KCNH2: variants seen among roughly 807,000 people sequenced by gnomAD.
The protein encoded by KCNH2 is voltage-gated inwardly rectifying potassium channel KCNH2.
A neutral mutation model predicts 95.9 loss-of-function variants in KCNH2; 35 were observed. The observed-to-expected ratio is 0.37, with a 90% CI of 0.28 to 0.48. The LOEUF (loss-of-function observed/expected upper bound fraction) is 0.48. Ranked by LOEUF, KCNH2 falls within the 20% of genes least tolerant of loss-of-function variation. The probability of loss-of-function intolerance (pLI) is 0.99; values close to 1 mark genes in which losing one functional copy is unlikely to be tolerated. For synonymous variants in KCNH2, 786 were observed against 754.7 expected (o/e 1.04, Z -0.68); for missense variants, 1,274 against 1,702.9 (o/e 0.75, Z 4.43).
chr7:150,947,656 G>C lies in KCNH2; in HGVS notation c.2915C>G (p.Pro972Arg). 6.2e-7 allele frequency: 1 copy of C among 1,611,068 alleles called. No individual in the cohort carries two copies. Among genetic ancestry groups the C allele is most frequent in the Non-Finnish European group, 8.5e-7 (1 of 1,178,908 alleles). ...RPPGEPPGGEPLMEDCEKSSD... is the reference protein window; with the variant it reads ...RPPGEPPGGERLMEDCEKSSD... ...GCTCTTCTCGCAGTCCTCCATCAGG[G>C]GCTCCCCACCCGGCGGCTCTCCGGG... Residue 972 changes from proline (P) to arginine (R), a missense_variant, in exon 12 of 15, where the codon CCC becomes CGC. Pro to Arg is a moderately radical substitution (Grantham distance 103, BLOSUM62 -2). Around this residue, in one of 7 missense-constraint regions of KCNH2, gnomAD observed 457 missense variants for 416.1 expected, o/e 1.10. Coordinates refer to ENST00000262186, the MANE Select transcript of KCNH2 (RefSeq NM_000238.4).
chr7:150,976,406 AG>A (rs1801982494), intron 1 of KCNH2, among the ~76,000 whole-genome samples: 1 of 152,162 alleles, frequency 6.6e-6, no homozygotes, highest in South Asian at 2.1e-4. Flanking sequence ...TCCAGGAGTC[AG>A]GGTTTCCTGT....
Position 150,978,003 on chromosome 7 carries a change from G to T in KCNH2, c.-90C>A, listed in dbSNP as rs1359903011. The T allele has an allele frequency of 3.3e-6, 2 of 598,558 alleles. No individual in the cohort carries two copies. Among genetic ancestry groups the T allele is most frequent in the South Asian group, 5.9e-5 (1 of 16,906 alleles). The allele number at this position is 598,558 out of a possible 1,614,324, so 37.1% of individuals were successfully genotyped here. ...GCTTCGGGTGGCCCGGCCGGGCCGT[G>T]GTCCCCGCACCCCGCGGCCAAGCCG... On this transcript the variant is annotated 5_prime_UTR_variant, in exon 1 of 15. Transcript: ENST00000262186.
At chr7:150,959,503 G>T (rs746163180) in intron 3 of KCNH2, 69 bp downstream of exon 3, 23 of 1,571,018 alleles carry the variant, frequency 1.5e-5, no homozygotes, top group African/African-American at 2.7e-5. Flanking sequence ...CGTTGACCTT[G>T]GACAGCTCAC....
chr7:150,959,191 A>C (rs565758928), intron 3 of KCNH2, among the ~76,000 whole-genome samples: 1 of 152,312 alleles, frequency 6.6e-6, no homozygotes, highest in South Asian at 2.1e-4. Context: ...CATAGGACAC[A>C]GCTTCCTACT....
intron 2 of KCNH2, among the ~76,000 whole-genome samples, chr7:150,966,921 T>G (rs1441452992): frequency 1.3e-5 from 2 of 152,104 alleles, no homozygotes; most frequent in Non-Finnish European, 2.9e-5. Context: ...CCAAACTAAT[T>G]CCAATCAAGA....
intron 7 of KCNH2, 89 bp downstream of exon 7, chr7:150,951,359 A>C (rs1367493222): frequency 1.0e-5 from 16 of 1,543,034 alleles, no homozygotes; most frequent in Non-Finnish European, 1.4e-5. Context: ...CCAGGGCCTC[A>C]CTCTGGCCCG....
rs1443921019 is a variant in KCNH2 at position 150,962,242 on chromosome 7, G to A, written c.308-2506C>T. 6.6e-6 allele frequency among the ~76,000 whole-genome samples: 1 copy of A among 152,226 alleles called. No individual in the cohort carries two copies. The highest frequency in any genetic ancestry group is 1.5e-5 in the Non-Finnish European group (1 of 68,038). ...ATGCGCCTCACCAGGACTGAGGAGA[G>A]GCTGGAGACCAGGAAGCCTTAGCCC... On this transcript the variant is annotated intron_variant, in intron 2 of 14. Transcript: ENST00000262186. The surrounding 1 kb of genome is among the most constrained non-coding windows in gnomAD (Gnocchi z 5.7).
rs58129336 is a variant in KCNH2 at position 150,961,294 on chromosome 7, CTTTTTTTT to C, written c.308-1566_308-1559del. On this transcript the variant is annotated intron_variant, in intron 2 of 14. Transcript: ENST00000262186. The surrounding 1 kb of genome is among the most constrained non-coding windows in gnomAD (Gnocchi z 6.2). ...ACTCCATCTTAGCAACCCAGCCTCA[CTTTTTTTT>C]TTTTTTTTTTTCTGAGACAGGGTTT... Among the ~76,000 whole-genome samples the C allele has an allele frequency of 8.2e-6, 1 of 122,132 alleles. No homozygotes were observed. The highest frequency in any genetic ancestry group is 8.5e-5 in the Admixed American group (1 of 11,728). 80.1% of individuals were successfully genotyped at this position (122,132 alleles called of 152,430 possible).
intron 2 of KCNH2, among the ~76,000 whole-genome samples, chr7:150,966,706 C>T (rs896965257): frequency 6.6e-6 from 1 of 152,084 alleles, no homozygotes; most frequent in African/African-American, 2.4e-5. Flanking sequence ...AAAAACAATA[C>T]GTCTTTTACA....
In KCNH2 at chr7:150,947,391, G is replaced by A. The variant is rs904066540; in HGVS notation, c.3089C>T (p.Pro1030Leu). The A allele has an allele frequency of 1.4e-4, 220 of 1,550,296 alleles. No homozygotes were observed. The highest frequency in any genetic ancestry group is 1.8e-4 in the Non-Finnish European group (202 of 1,147,470). ...PSLLNIPLSS[P>L]GRRPRGDVES... ...CACGTCGCCCCGGGGCCGCCGACCC[G>A]GGCTGGAGAGGGGGATGTTGAGGAG... Residue 1030 changes from proline (P) to leucine (L), a missense_variant, in exon 13 of 15, where the codon CCG becomes CTG. Physicochemically the swap from Pro to Leu is moderately conservative, Grantham distance 98. Coordinates refer to ENST00000262186, the MANE Select transcript of KCNH2 (RefSeq NM_000238.4).
chr7:150,950,616 C>T (rs1474212427), intron 8 of KCNH2, among the ~76,000 whole-genome samples, 196 bp from the exon 9 acceptor site: 1 of 152,206 alleles, frequency 6.6e-6, no homozygotes, highest in Non-Finnish European at 1.5e-5. Context: ...TGGCCGAGCA[C>T]CCTTGGGCTC....
At chr7:150,977,714 C>T in intron 1 of KCNH2, 124 bp downstream of exon 1, 1 of 775,098 alleles carries the variant, frequency 1.3e-6, no homozygotes, top group Non-Finnish European at 2.0e-6. Context: ...GCCTGGGGCC[C>T]ACCAGGCCCC....
Position 150,951,127 on chromosome 7 carries a change from G to A in KCNH2, c.1946-7C>T, listed in dbSNP as rs1415460379. 3 of 1,596,330 alleles carry A rather than the reference G, an allele frequency of 1.9e-6. No homozygotes were observed. Among genetic ancestry groups the A allele is most frequent in the Admixed American group, 1.7e-5 (1 of 59,704 alleles). On this transcript the variant is annotated splice_region_variant and splice_polypyrimidine_tract_variant and intron_variant, in intron 7 of 14. Coordinates refer to ENST00000262186, the MANE Select transcript of KCNH2 (RefSeq NM_000238.4). Reference sequence around the variant, plus strand: ...ATGCTAGCATACATGAGGGCTGGGGGCGTGGGCACGTGGGGCCGTCAGCCT... The same window carrying A: ...ATGCTAGCATACATGAGGGCTGGGGACGTGGGCACGTGGGGCCGTCAGCCT...
At chr7:150,951,162 CCCCA>C in intron 7 of KCNH2, 42 bp from the exon 8 acceptor site, 4 of 1,517,290 alleles carry the variant, frequency 2.6e-6, no homozygotes, top group Non-Finnish European at 2.7e-6. Flanking sequence ...TCTGCAGGGA[CCCCA>C]CCCACCCACA....
rs752615644 is a variant in KCNH2 at position 150,952,913 on chromosome 7, G to A, written c.1129-60C>T. 38 of 1,524,662 alleles carry A rather than the reference G, an allele frequency of 2.5e-5. No individual in the cohort carries two copies. The highest frequency in any genetic ancestry group is 2.3e-5 in the Non-Finnish European group (26 of 1,111,146). The allele number at this position is 1,524,662 out of a possible 1,614,324, so 94.4% of individuals were successfully genotyped here. A position where few individuals can be genotyped will look rare whatever the true frequency, so the allele number is the denominator to read the frequency against. ...AGGCCATGGGACCTCGGGGGCAGGA[G>A]CGATGACATCTCTGCCGGGGCCAAG... On this transcript the variant is annotated intron_variant, in intron 5 of 14. Transcript: ENST00000262186. This position sits in a 1 kb window ranked among gnomAD's most constrained non-coding sequence, Gnocchi z 7.3.
intron 7 of KCNH2, 153 bp downstream of exon 7, chr7:150,951,295 G>A (rs1801147200): frequency 1.8e-6 from 2 of 1,122,002 alleles, no homozygotes; most frequent in Non-Finnish European, 2.6e-6. Flanking sequence ...TCCCCGCCCT[G>A]GTGACCCAGC....
Position 150,952,027 on chromosome 7 carries a change from C to A in KCNH2, c.1558-192G>T, listed in dbSNP as rs1314095609. On this transcript the variant is annotated intron_variant, in intron 6 of 14. Transcript: ENST00000262186. The surrounding 1 kb of genome is among the most constrained non-coding windows in gnomAD (Gnocchi z 7.3). Reference sequence around the variant, plus strand: ...ATTAATCTTAGTGCTAGCTTTGGGACAGAGGCAGCCCCCATAGTGTGGATG... The same window carrying A: ...ATTAATCTTAGTGCTAGCTTTGGGAAAGAGGCAGCCCCCATAGTGTGGATG... Among the ~76,000 whole-genome samples the A allele has an allele frequency of 6.6e-6, 1 of 152,168 alleles. No individual in the cohort carries two copies. The highest frequency in any genetic ancestry group is 1.5e-5 in the Non-Finnish European group (1 of 68,018).
intron 9 of KCNH2, chr7:150,949,485 T>C: frequency 1.3e-6 from 1 of 754,340 alleles, no homozygotes; most frequent in Non-Finnish European, 1.7e-6. Context: ...ACAGAAATGC[T>C]AGAATGAACC....
chr7:150,946,341 C>A lies in KCNH2; in HGVS notation c.3330+536G>T, dbSNP rs538537293. ...TCCTCCCCTGGAGGCTTGGCCTCTG[C>A]ACCCTGGGAAATGCCAAGCACCCTC... is the stretch of plus-strand genomic sequence containing the variant. On this transcript the variant is annotated intron_variant, in intron 14 of 14. Transcript: ENST00000262186. This position sits in a 1 kb window ranked among gnomAD's most constrained non-coding sequence, Gnocchi z 6.5. Among the ~76,000 whole-genome samples the A allele has an allele frequency of 2.7e-4, 41 of 152,340 alleles. 1 individual carries two copies. The South Asian group carries it at 5.4e-3, about 20-fold the overall frequency.
Sources: gnomAD v4.1 joint callset for allele counts (sites outside exome capture counted in the v4.1 genomes callset) on GRCh38, gnomAD v4.1.1 for gene constraint, gnomAD v4.1.1 regional missense constraint, Gnocchi (gnomAD v3.1) non-coding constraint, MANE v1.5 for transcripts, NCBI Gene and HGNC (gene_info 2026-07-23, HGNC 2026-07-21) for gene names.